EXOC1L: variants seen among roughly 807,000 people sequenced by gnomAD.
EXOC1L encodes exocyst complex component 1 like.
A neutral mutation model predicts 4.9 loss-of-function variants in EXOC1L; 10 were observed. The ratio of observed to expected loss-of-function variants is 2.02; its 90% CI spans 1.25 to 3.43. EXOC1L has a LOEUF of 3.43. Ranked by LOEUF, EXOC1L falls within the 30% of genes most tolerant of loss-of-function variation. The pLI is 0.00. For missense variants in EXOC1L, 114 were observed against 59.4 expected, an observed-to-expected ratio of 1.92 and a Z score of -3.02; for synonymous variants, 41 against 20.8, an observed-to-expected ratio of 1.97 and a Z score of -2.63.
chr4:55,825,809 G>C (rs946116294), intron 1 of EXOC1L, among the ~76,000 whole-genome samples: 1 of 152,030 alleles, frequency 6.6e-6, no homozygotes, highest in African/African-American at 2.4e-5. Context: ...GGCCAGGCAT[G>C]GTGGCTCACA....
chr4:55,834,413 C>A, intron 2 of EXOC1L, among the ~76,000 whole-genome samples: 1 of 151,808 alleles, frequency 6.6e-6, no homozygotes, highest in East Asian at 1.9e-4. Context: ...AAAAACATAT[C>A]AATAAATGAT....
At chr4:55,826,549 TTAACTC>T (rs1719891078) in intron 1 of EXOC1L, among the ~76,000 whole-genome samples, 2 of 152,228 alleles carry the variant, frequency 1.3e-5, no homozygotes, top group Non-Finnish European at 2.9e-5. Flanking sequence ...CTGGAACAGA[TTAACTC>T]TGAAATTCCC....
intron 1 of EXOC1L, among the ~76,000 whole-genome samples, chr4:55,824,441 C>T (rs1245779750): frequency 4.6e-5 from 7 of 152,114 alleles, no homozygotes; most frequent in Non-Finnish European, 8.8e-5. Context: ...TGGCTCACTG[C>T]AGCCTCAACC....
At chr4:55,831,211 A>C in intron 1 of EXOC1L, 123 bp from the exon 2 acceptor site, 2 of 480,036 alleles carry the variant, frequency 4.2e-6, no homozygotes, top group East Asian at 6.8e-5. Flanking sequence ...ATTGAGGCGC[A>C]GCTATAATGT....
chr4:55,823,060 G>C (rs748225855), intron 1 of EXOC1L, among the ~76,000 whole-genome samples: 1 of 151,432 alleles, frequency 6.6e-6, no homozygotes, highest in Non-Finnish European at 1.5e-5. Flanking sequence ...ATATTCAGAT[G>C]TTGATTATTT....
chr4:55,831,376 A>T lies in EXOC1L; in HGVS notation c.164A>T (p.Tyr55Phe). ...EEVKIVMVKH[Y>F]RIGLDEKYEV... ...GTAAAAATAGTCATGGTGAAACACT[A>T]CAGAATAGGTTTAGATGAAAAATAT... Residue 55 changes from tyrosine to phenylalanine, a missense_variant, in exon 2 of 3, where the codon TAC becomes TTC. Coordinates refer to ENST00000636125, the MANE Select transcript of EXOC1L (RefSeq NM_001351574.3). 1 of 687,494 alleles carries T rather than the reference A, an allele frequency of 1.5e-6. No individual in the cohort carries two copies. The highest frequency in any genetic ancestry group is 2.6e-6 in the Non-Finnish European group (1 of 378,682). 42.6% of individuals were successfully genotyped at this position (687,494 alleles called of 1,614,324 possible). A position where few individuals can be genotyped will look rare whatever the true frequency, so the allele number is the denominator to read the frequency against.
chr4:55,829,501 T>C (rs1719969211), intron 1 of EXOC1L, among the ~76,000 whole-genome samples: 1 of 152,198 alleles, frequency 6.6e-6, no homozygotes, highest in African/African-American at 2.4e-5. Flanking sequence ...ATGTATCCTG[T>C]ACATAACTGC....
chr4:55,831,392 T>A lies in EXOC1L; in HGVS notation c.180T>A (p.Asp60Glu). 5.8e-6 allele frequency: 4 copies of A among 693,154 alleles called. No individual in the cohort carries two copies. The highest frequency in any genetic ancestry group is 1.0e-5 in the Non-Finnish European group (4 of 381,044). 42.9% of individuals were successfully genotyped at this position (693,154 alleles called of 1,614,324 possible). ...TGAAACACTACAGAATAGGTTTAGA[T>A]GAAAAATATGAAGTAACAAAAAAGT... Reference protein sequence around the residue: ...VMVKHYRIGLDEKYEVTKKWS... With the variant: ...VMVKHYRIGLEEKYEVTKKWS... Residue 60 changes from aspartate (D) to glutamate (E), a missense_variant, in exon 2 of 3, where the codon GAT (aspartate) becomes GAA (glutamate). Transcript: ENST00000636125.
chr4:55,828,243 T>C (rs1375027642), intron 1 of EXOC1L, among the ~76,000 whole-genome samples: 1 of 152,212 alleles, frequency 6.6e-6, no homozygotes, highest in Non-Finnish European at 1.5e-5. Flanking sequence ...TGTTAGTGCA[T>C]GAAGGAGTCC....
At chr4:55,824,560 C>T (rs978545828) in intron 1 of EXOC1L, among the ~76,000 whole-genome samples, 9 of 151,954 alleles carry the variant, frequency 5.9e-5, no homozygotes, top group South Asian at 2.1e-4. Context: ...GATGGGGTCT[C>T]GCTATATTGC....
At chr4:55,825,063 G>A (rs1483653017) in intron 1 of EXOC1L, among the ~76,000 whole-genome samples, 5 of 152,170 alleles carry the variant, frequency 3.3e-5, no homozygotes, top group Non-Finnish European at 5.9e-5. Context: ...TTATTAGCAT[G>A]GCATTATTGA....
At chr4:55,834,803 A>G (rs1720119308) in intron 2 of EXOC1L, among the ~76,000 whole-genome samples, 1 of 151,728 alleles carries the variant, frequency 6.6e-6, no homozygotes, top group Non-Finnish European at 1.5e-5. Flanking sequence ...AAGTATGATT[A>G]TGGTTTTTTT....
chr4:55,828,729 A>T (rs1365157521), intron 1 of EXOC1L, among the ~76,000 whole-genome samples: 1 of 152,176 alleles, frequency 6.6e-6, no homozygotes, highest in African/African-American at 2.4e-5. Context: ...CTGTAGTCCC[A>T]GCTACTCAGG....
Position 55,821,291 on chromosome 4 carries a change from C to T in EXOC1L, c.121+1144C>T, listed in dbSNP as rs144207502. On this transcript the variant is annotated intron_variant, in intron 1 of 2. Transcript: ENST00000636125. ...CTACAAAGTATAGAGGGTATTCTAG[C>T]GACATAAAAAAATTAATTGGCCCAG... Among the ~76,000 whole-genome samples the T allele has an allele frequency of 2.3e-3, 346 of 151,514 alleles. 1 individual carries two copies. The highest frequency in any genetic ancestry group is 7.7e-3 in the African/African-American group (317 of 41,294).
intron 1 of EXOC1L, among the ~76,000 whole-genome samples, 193 bp from the exon 2 acceptor site, chr4:55,831,141 T>G (rs1720017323): frequency 6.6e-6 from 1 of 152,124 alleles, no homozygotes; most frequent in South Asian, 2.1e-4. Context: ...AAAAATAAAG[T>G]TAATACGTTG....
chr4:55,826,391 C>T (rs957690759), intron 1 of EXOC1L, among the ~76,000 whole-genome samples: 1 of 152,130 alleles, frequency 6.6e-6, no homozygotes, highest in Admixed American at 6.6e-5. Flanking sequence ...ATGTTTCTTC[C>T]ATTTAGCCTC....
intron 1 of EXOC1L, among the ~76,000 whole-genome samples, chr4:55,821,633 A>T (rs1163561203): frequency 6.6e-6 from 1 of 152,176 alleles, no homozygotes; most frequent in Non-Finnish European, 1.5e-5. Flanking sequence ...GTAATTAACT[A>T]GACTTGTTCT....
chr4:55,836,690 G>A (rs1012361763), intron 2 of EXOC1L, among the ~76,000 whole-genome samples: 10 of 151,912 alleles, frequency 6.6e-5, no homozygotes, highest in Admixed American at 3.9e-4. Flanking sequence ...CCTTGAAATA[G>A]CACAAGGAAC....
chr4:55,822,123 G>A lies in EXOC1L; in HGVS notation c.121+1976G>A, dbSNP rs1719760064. 2.6e-5 allele frequency among the ~76,000 whole-genome samples: 4 copies of A among 152,234 alleles called. No homozygotes were observed. The South Asian group carries it at 8.3e-4, about 32-fold the overall frequency. ...CAATCTAGCGCTTCTAAATTTGTGA[G>A]ACTTGCGAGTCCAGTGTAGTCAAAT... is the stretch of plus-strand genomic sequence containing the variant. On this transcript the variant is annotated intron_variant, in intron 1 of 2. Coordinates refer to ENST00000636125, the MANE Select transcript of EXOC1L (RefSeq NM_001351574.3).
Sources: allele counts gnomAD v4.1 joint callset (sites outside exome capture counted in the v4.1 genomes callset), GRCh38; gene constraint gnomAD v4.1.1; transcripts MANE v1.5; gene names NCBI Gene and HGNC (gene_info 2026-07-23, HGNC 2026-07-21).